FAT3: variants seen among roughly 807,000 people sequenced by gnomAD.
The protein encoded by FAT3 is FAT atypical cadherin 3, also known as protocadherin Fat 3.
Under a neutral mutation model 310.2 loss-of-function variants are expected in FAT3, and 95 were observed. The observed-to-expected ratio is 0.31, with a 90% CI of 0.26 to 0.36. The LOEUF is 0.36. Among genes scored for constraint, FAT3 ranks in the 10% least tolerant of loss-of-function variants. The pLI is 1.00. For missense variants in FAT3, 5,408 were observed against 5,715.6 expected, an observed-to-expected ratio of 0.95 and a Z score of 1.74; for synonymous variants, 2,314 against 2,192.9, an observed-to-expected ratio of 1.06 and a Z score of -1.54.
chr11:92,251,087 C>A (rs2134277851), intron 1 of FAT3, among the ~76,000 whole-genome samples: 1 of 152,108 alleles, frequency 6.6e-6, no homozygotes, highest in South Asian at 2.1e-4. Context: ...AGAAAAGTTC[C>A]CTTTAAGCCA....
At chr11:92,621,370 A>G (rs1340251386) in intron 3 of FAT3, among the ~76,000 whole-genome samples, 1 of 152,254 alleles carries the variant, frequency 6.6e-6, no homozygotes, top group African/African-American at 2.4e-5. Context: ...TTGCAAAACA[A>G]CTATTTCCAG....
chr11:92,505,139 A>G (rs543770851), intron 2 of FAT3, among the ~76,000 whole-genome samples: 60 of 152,118 alleles, frequency 3.9e-4, no homozygotes, highest in African/African-American at 1.3e-3. Context: ...AGAAGAGAGG[A>G]AAGTTCCTGG....
intron 1 of FAT3, among the ~76,000 whole-genome samples, chr11:92,246,638 G>A (rs1205904141): frequency 1.3e-5 from 2 of 152,104 alleles, no homozygotes; most frequent in Non-Finnish European, 2.9e-5. Context: ...TGTGGAAAAG[G>A]TAGAGATTCT....
chr11:92,630,606 G>C (rs933327973), intron 3 of FAT3, among the ~76,000 whole-genome samples: 14 of 152,106 alleles, frequency 9.2e-5, no homozygotes, highest in African/African-American at 3.4e-4. Flanking sequence ...TGTCAACCAA[G>C]CTAAAAACCT....
chr11:92,318,847 T>C (rs1947533773), intron 1 of FAT3, among the ~76,000 whole-genome samples: 2 of 152,168 alleles, frequency 1.3e-5, no homozygotes, highest in Admixed American at 6.6e-5. Context: ...TTTTGGTAGA[T>C]GGTACAGGCA....
At chr11:92,706,514 G>A (rs1053778110) in intron 4 of FAT3, among the ~76,000 whole-genome samples, 3 of 151,896 alleles carry the variant, frequency 2.0e-5, no homozygotes, top group African/African-American at 4.8e-5. Context: ...AGTATCAGCA[G>A]GAAGTCTTAA....
chr11:92,439,184 A>G (rs1016864066), intron 2 of FAT3, among the ~76,000 whole-genome samples: 1 of 152,186 alleles, frequency 6.6e-6, no homozygotes, highest in Non-Finnish European at 1.5e-5. Flanking sequence ...TTGTTGCACA[A>G]ATATTAACAG....
In FAT3 at chr11:92,611,797, T is replaced by TAAAAAGGCC. The variant is rs199701750; in HGVS notation, c.3608-85574_3608-85566dup. Among the ~76,000 whole-genome samples, 3 of 152,294 alleles carry TAAAAAGGCC rather than the reference T, an allele frequency of 2.0e-5. No individual in the cohort carries two copies. The East Asian group carries it at 5.8e-4, about 29-fold the overall frequency. On this transcript the variant is annotated intron_variant, in intron 3 of 27. Coordinates refer to ENST00000525166, the MANE Select transcript of FAT3 (RefSeq NM_001367949.2). ...AATGGAGGTTATTCAGAAAATATTC[T>TAAAAAGGCC]AAAAAGGCCAAAAAGGCCAAACATC...
chr11:92,797,123 G>A (rs533381240), intron 9 of FAT3, among the ~76,000 whole-genome samples: 15 of 152,326 alleles, frequency 9.8e-5, no homozygotes, highest in African/African-American at 2.9e-4. Flanking sequence ...ATGTGTGCAT[G>A]TGTGTGTTCA....
chr11:92,529,303 G>C (rs1237419612), intron 3 of FAT3, among the ~76,000 whole-genome samples: 1 of 152,164 alleles, frequency 6.6e-6, no homozygotes, highest in African/African-American at 2.4e-5. Flanking sequence ...GGACCTGAAG[G>C]GGGCCTGAAG....
At chr11:92,622,433 C>T (rs1055177390) in intron 3 of FAT3, among the ~76,000 whole-genome samples, 2 of 152,060 alleles carry the variant, frequency 1.3e-5, no homozygotes, top group Non-Finnish European at 1.5e-5. Flanking sequence ...TCTTTGGAGG[C>T]AGTAAAGTGC....
At chr11:92,535,876 T>C (rs1954240997) in intron 3 of FAT3, among the ~76,000 whole-genome samples, 1 of 151,572 alleles carries the variant, frequency 6.6e-6, no homozygotes, top group Non-Finnish European at 1.5e-5. Flanking sequence ...TGACTGGCAT[T>C]CAGTGTGCTT....
At chr11:92,598,226 A>ATT (rs1490513946) in intron 3 of FAT3, among the ~76,000 whole-genome samples, 139 of 125,634 alleles carry the variant, frequency 1.1e-3, no homozygotes, top group African/African-American at 4.9e-3. Flanking sequence ...ATATATATAT[A>ATT]TATATTTTTT....
chr11:92,227,186 A>G (rs893618984), intron 1 of FAT3, among the ~76,000 whole-genome samples: 1 of 152,120 alleles, frequency 6.6e-6, no homozygotes, highest in Admixed American at 6.5e-5. Context: ...ACTCGTGGCC[A>G]CTTGTTTTCT....
In FAT3 at chr11:92,437,568, G is replaced by C. The variant is rs186836839; in HGVS notation, c.3292+82164G>C. ...ATATACACTCAATAAACATTGTTAT[G>C]ATGGATTGTAGAGAAGGACATGGAG... On this transcript the variant is annotated intron_variant, in intron 2 of 27. Coordinates refer to ENST00000525166, the MANE Select transcript of FAT3 (RefSeq NM_001367949.2). Among the ~76,000 whole-genome samples, 221 of 152,262 alleles carry C rather than the reference G, an allele frequency of 1.5e-3. 1 individual carries two copies. The highest frequency in any genetic ancestry group is 3.4e-3 in the Middle Eastern group (1 of 294).
intron 3 of FAT3, among the ~76,000 whole-genome samples, chr11:92,650,719 C>A (rs1356925163): frequency 6.6e-6 from 1 of 152,102 alleles, no homozygotes; most frequent in Admixed American, 6.6e-5. Context: ...CACCGTCATC[C>A]CTAAGACTGA....
chr11:92,281,370 G>C (rs557790679), intron 1 of FAT3, among the ~76,000 whole-genome samples: 1 of 152,240 alleles, frequency 6.6e-6, no homozygotes, highest in Non-Finnish European at 1.5e-5. Context: ...GTTTCTACAA[G>C]TATAGATGTA....
In FAT3 at chr11:92,352,774, A is replaced by G. The variant is rs761805115; in HGVS notation, c.662A>G (p.Tyr221Cys). ...ATCTCCTTAAGTGGTCGATTAAATT[A>G]TGATGAAAAGAATAGGTATGATCTG... ...GVISLSGRLN[Y>C]DEKNRYDLEI... is the part of the protein sequence containing the mutation. Residue 221 changes from tyrosine to cysteine, a missense_variant, in exon 2 of 28, where the codon TAT (tyrosine) becomes TGT (cysteine). Around this residue, in one of 5 missense-constraint regions of FAT3, gnomAD observed 4,588 missense variants for 4,809.8 expected, o/e 0.95. Transcript: ENST00000525166. 8 of 1,613,898 alleles carry G rather than the reference A, an allele frequency of 5.0e-6. No individual in the cohort carries two copies. Among genetic ancestry groups the G allele is most frequent in the South Asian group, 1.1e-5 (1 of 91,084 alleles).
intron 2 of FAT3, among the ~76,000 whole-genome samples, chr11:92,467,945 G>A (rs1951810590): frequency 6.6e-6 from 1 of 152,140 alleles, no homozygotes; most frequent in Admixed American, 6.6e-5. Flanking sequence ...TTTTAGAAAG[G>A]CAATTGGGAG....
Sources: gnomAD v4.1 joint callset for allele counts (sites outside exome capture counted in the v4.1 genomes callset) on GRCh38, gnomAD v4.1.1 for gene constraint, gnomAD v4.1.1 regional missense constraint, MANE v1.5 for transcripts, NCBI Gene and HGNC (gene_info 2026-07-23, HGNC 2026-07-21) for gene names.